The following FHIT variants were observed in gnomAD, a reference collection of about 807,000 sequenced individuals.
FHIT encodes the protein fragile histidine triad diadenosine triphosphatase.
In FHIT, 19 loss-of-function variants were observed where a neutral mutation model predicts 17.9. That is an observed-to-expected ratio of 1.06 (90% confidence interval 0.74 to 1.56). The LOEUF is 1.56. Ranked by LOEUF, FHIT falls within the 40% of genes most tolerant of loss-of-function variation. The pLI is 0.00. For synonymous variants in FHIT, 81 were observed against 69.7 expected, an observed-to-expected ratio of 1.16 and a Z score of -0.81; for missense variants, 248 against 189.2, an observed-to-expected ratio of 1.31 and a Z score of -1.82.
intron 5 of FHIT, among the ~76,000 whole-genome samples, chr3:60,132,948 A>T (rs982951639): frequency 1.7e-4 from 26 of 152,244 alleles, no homozygotes; most frequent in African/African-American, 5.5e-4. Context: ...ACTGAAGACA[A>T]ATGACATACT....
intron 4 of FHIT, among the ~76,000 whole-genome samples, chr3:60,812,722 G>T (rs562960523): frequency 2.0e-5 from 3 of 152,082 alleles, no homozygotes; most frequent in Non-Finnish European, 2.9e-5. Flanking sequence ...AAATAGCACT[G>T]TAGTTCCTCA....
chr3:61,211,435 A>G (rs1217424082), intron 1 of FHIT, among the ~76,000 whole-genome samples: 1 of 152,202 alleles, frequency 6.6e-6, no homozygotes, highest in Admixed American at 6.5e-5. Context: ...ACTGCAAGGC[A>G]GCAGCGAGGC....
chr3:60,941,264 C>T (rs1404398479), intron 3 of FHIT, among the ~76,000 whole-genome samples: 1 of 152,116 alleles, frequency 6.6e-6, no homozygotes, highest in African/African-American at 2.4e-5. Flanking sequence ...AAACTCTGCA[C>T]CTCCCTCTTC....
chr3:60,182,768 G>A (rs543884580), intron 5 of FHIT, among the ~76,000 whole-genome samples: 2 of 152,210 alleles, frequency 1.3e-5, no homozygotes, highest in African/African-American at 4.8e-5. Flanking sequence ...GGGTGACAGA[G>A]TGAGACCCTG....
intron 3 of FHIT, among the ~76,000 whole-genome samples, chr3:60,983,213 G>A (rs1710569250): frequency 6.6e-6 from 1 of 151,792 alleles, no homozygotes; most frequent in Non-Finnish European, 1.5e-5. Context: ...TCCTCAGAAA[G>A]CACAGCCTGA....
chr3:60,129,546 G>C (rs1480379991), intron 5 of FHIT, among the ~76,000 whole-genome samples: 2 of 152,056 alleles, frequency 1.3e-5, no homozygotes, highest in African/African-American at 4.8e-5. Context: ...TCCACATTTC[G>C]AGGCTCTTAA....
At chr3:61,232,549 T>C (rs2040133254) in intron 1 of FHIT, among the ~76,000 whole-genome samples, 1 of 152,162 alleles carries the variant, frequency 6.6e-6, no homozygotes, top group Non-Finnish European at 1.5e-5. Context: ...GATAAAACTC[T>C]CTCATAATCA....
intron 5 of FHIT, among the ~76,000 whole-genome samples, chr3:60,266,005 T>C (rs1262194509): frequency 6.6e-6 from 1 of 151,932 alleles, no homozygotes; most frequent in Non-Finnish European, 1.5e-5. Flanking sequence ...TACATAAAGA[T>C]AGTATATATA....
intron 5 of FHIT, among the ~76,000 whole-genome samples, chr3:60,439,143 C>T (rs546079844): frequency 1.3e-5 from 2 of 152,050 alleles, no homozygotes; most frequent in Non-Finnish European, 2.9e-5. Context: ...TGCAGGCATC[C>T]AAGTTTTTAC....
chr3:59,948,729 G>A (rs76112734), intron 7 of FHIT, among the ~76,000 whole-genome samples: 1,550 of 152,062 alleles, frequency 0.01, 28 homozygotes, highest in African/African-American at 0.035. Flanking sequence ...TGGTGACGTT[G>A]AGTATCTTTT....
chr3:60,350,288 C>T lies in FHIT; in HGVS notation c.103+186572G>A, dbSNP rs1259065979. Among the ~76,000 whole-genome samples, 3 of 152,196 alleles carry T rather than the reference C, an allele frequency of 2.0e-5. No homozygotes were observed. In the East Asian group the frequency reaches 5.8e-4, roughly 29 times the overall value. ...GGTAATAGTGTACATGTGTACTTGG[C>T]TTCTGAGTAGTGGAGATGGCACTGA... is the stretch of plus-strand genomic sequence containing the variant. On this transcript the variant is annotated intron_variant, in intron 5 of 9. Transcript: ENST00000492590.
At chr3:60,582,954 A>G (rs1158597616) in intron 4 of FHIT, among the ~76,000 whole-genome samples, 1 of 151,872 alleles carries the variant, frequency 6.6e-6, no homozygotes, top group Non-Finnish European at 1.5e-5. Context: ...TAGGACTTGA[A>G]CCCTATCTGC....
Position 60,069,062 on chromosome 3 carries a change from T to C in FHIT, c.104-54910A>G, listed in dbSNP as rs1190269291. Among the ~76,000 whole-genome samples the C allele has an allele frequency of 2.0e-5, 3 of 152,120 alleles. No homozygotes were observed. In the East Asian group the frequency reaches 5.8e-4, roughly 29 times the overall value. ...AAGGACAAAGCTCCAAAACATACTC[T>C]GAAAGACAAAAAGGTAATCATAGAA... On this transcript the variant is annotated intron_variant, in intron 5 of 9. Transcript: ENST00000492590.
At chr3:60,130,784 G>GTATATACACACATAT (rs148356992) in intron 5 of FHIT, among the ~76,000 whole-genome samples, 3 of 111,628 alleles carry the variant, frequency 2.7e-5, no homozygotes, top group Non-Finnish European at 6.1e-5. Flanking sequence ...GTGTGTGTGT[G>GTATATACACACATAT]GTGTGTATAT....
At chr3:59,951,313 C>A (rs147736831) in intron 7 of FHIT, among the ~76,000 whole-genome samples, 2 of 152,124 alleles carry the variant, frequency 1.3e-5, no homozygotes, top group African/African-American at 2.4e-5. Flanking sequence ...ATTGCCTCCA[C>A]GACTTTGTAG....
chr3:59,926,473 T>A (rs1273948986), intron 7 of FHIT, among the ~76,000 whole-genome samples: 1 of 152,158 alleles, frequency 6.6e-6, no homozygotes, highest in African/African-American at 2.4e-5. Flanking sequence ...TAGAAATAAG[T>A]GTCCTGAAGA....
At chr3:60,123,884 A>C (rs1184332984) in intron 5 of FHIT, among the ~76,000 whole-genome samples, 1 of 148,112 alleles carries the variant, frequency 6.8e-6, no homozygotes, top group Non-Finnish European at 1.5e-5. Context: ...GAGACACTTA[A>C]AAATATTTGT....
chr3:60,250,814 G>C (rs1285602942), intron 5 of FHIT, among the ~76,000 whole-genome samples: 2 of 152,082 alleles, frequency 1.3e-5, no homozygotes, highest in African/African-American at 4.8e-5. Context: ...ATGAGACTTG[G>C]TTTTGCTGCC....
intron 1 of FHIT, among the ~76,000 whole-genome samples, chr3:61,239,942 T>C (rs1402183885): frequency 6.6e-6 from 1 of 152,040 alleles, no homozygotes; most frequent in East Asian, 1.9e-4. Flanking sequence ...ACTTCTGGCC[T>C]CACCAGGGCC....
Sources: allele counts gnomAD v4.1 joint callset (sites outside exome capture counted in the v4.1 genomes callset), GRCh38; gene constraint gnomAD v4.1.1; transcripts MANE v1.5; gene names NCBI Gene and HGNC (gene_info 2026-07-23, HGNC 2026-07-21).